Variants in TBK1 observed in about 807,000 individuals in gnomAD.
TBK1 encodes the protein serine/threonine-protein kinase TBK1.
In TBK1, 37 loss-of-function variants were observed where a neutral mutation model predicts 99.9. The ratio of observed to expected loss-of-function variants is 0.37; its 90% CI spans 0.28 to 0.49. TBK1 has a LOEUF of 0.49. TBK1 is among the 20% of genes least tolerant of loss of function. The pLI, the probability that TBK1 is intolerant of heterozygous loss-of-function variation, is 0.98. For missense variants in TBK1, 644 were observed against 872.5 expected (o/e 0.74, Z 3.30); for synonymous variants, 258 against 279.8 (o/e 0.92, Z 0.78).
chr12:64,468,264 G>C (rs1380942012), intron 5 of TBK1, among the ~76,000 whole-genome samples: 1 of 152,134 alleles, frequency 6.6e-6, no homozygotes, highest in African/African-American at 2.4e-5. Context: ...GGAGGCCGAG[G>C]TGGGCAGATC....
chr12:64,460,659 C>T (rs985999815), intron 3 of TBK1, among the ~76,000 whole-genome samples: 3 of 151,756 alleles, frequency 2.0e-5, no homozygotes, highest in Admixed American at 2.0e-4. Context: ...TGTGGTGAAA[C>T]CCCGTCTCTA....
intron 1 of TBK1, among the ~76,000 whole-genome samples, chr12:64,454,135 C>T (rs2040459038): frequency 6.6e-6 from 1 of 152,172 alleles, no homozygotes; most frequent in Non-Finnish European, 1.5e-5. Flanking sequence ...TATTTTAAAA[C>T]ACCTTAAATT....
chr12:64,497,599 G>A, intron 18 of TBK1, 49 bp from the exon 19 acceptor site: 1 of 1,250,334 alleles, frequency 8.0e-7, no homozygotes, highest in Non-Finnish European at 1.1e-6. Context: ...CTTTTGTTCT[G>A]TGATTAATGT....
At chr12:64,497,613 G>GTTTTTTTTT in intron 18 of TBK1, 35 bp from the exon 19 acceptor site, 1 of 1,216,878 alleles carries the variant, frequency 8.2e-7, no homozygotes, top group Non-Finnish European at 1.1e-6. Flanking sequence ...TTAATGTGGG[G>GTTTTTTTTT]TTTTTTTCTT....
intron 5 of TBK1, among the ~76,000 whole-genome samples, chr12:64,471,656 T>A (rs2040663537): frequency 6.6e-6 from 1 of 152,140 alleles, no homozygotes; most frequent in Non-Finnish European, 1.5e-5. Context: ...ACCCTGTCTC[T>A]TCTACTGTTT....
intron 8 of TBK1, among the ~76,000 whole-genome samples, chr12:64,483,606 T>G (rs1565820082): frequency 6.6e-6 from 1 of 152,208 alleles, no homozygotes; most frequent in Non-Finnish European, 1.5e-5. Context: ...GTTAAGTCAC[T>G]TACGGTTTTA....
intron 15 of TBK1, 193 bp downstream of exon 15, chr12:64,495,968 A>G: frequency 3.9e-6 from 2 of 517,518 alleles, no homozygotes; most frequent in South Asian, 2.7e-5. Context: ...AACCTTTTGA[A>G]TACTTTAAAT....
At chr12:64,486,111 T>G (rs960193574) in intron 11 of TBK1, 94 bp downstream of exon 11, 5 of 728,368 alleles carry the variant, frequency 6.9e-6, no homozygotes, top group Admixed American at 3.0e-5. Context: ...GGTTAGGTGC[T>G]TGATTTTTAT....
chr12:64,472,694 G>A (rs1426025246), intron 5 of TBK1, among the ~76,000 whole-genome samples: 1 of 152,012 alleles, frequency 6.6e-6, no homozygotes, highest in African/African-American at 2.4e-5. Flanking sequence ...GGCTTCCCTG[G>A]GCTACACTGG....
At chr12:64,452,639 G>A (rs535514833) in intron 1 of TBK1, 1 of 152,304 alleles carries the variant, frequency 6.6e-6, no homozygotes, top group East Asian at 1.9e-4. Flanking sequence ...GTTTTTAAAT[G>A]TATTGATTTT....
chr12:64,500,150 G>A (rs903224333), intron 20 of TBK1, among the ~76,000 whole-genome samples: 14 of 152,006 alleles, frequency 9.2e-5, no homozygotes, highest in Admixed American at 5.9e-4. Flanking sequence ...TAATCTTAAC[G>A]TAAATGTTAA....
intron 20 of TBK1, among the ~76,000 whole-genome samples, chr12:64,501,086 C>A (rs1759554749): frequency 6.6e-6 from 1 of 152,080 alleles, no homozygotes; most frequent in African/African-American, 2.4e-5. Flanking sequence ...ATAAATCCCA[C>A]CCCACCAGAA....
chr12:64,463,228 C>T (rs1001002096), intron 3 of TBK1, among the ~76,000 whole-genome samples: 7 of 151,690 alleles, frequency 4.6e-5, no homozygotes, highest in Non-Finnish European at 8.8e-5. Context: ...AAAAATTAGC[C>T]GGGTGTGGTG....
chr12:64,473,801 A>T (rs1321566305), intron 5 of TBK1, among the ~76,000 whole-genome samples: 1 of 152,072 alleles, frequency 6.6e-6, no homozygotes, highest in Non-Finnish European at 1.5e-5. Context: ...GCTAGGCATC[A>T]TGGCAAGCAC....
At chr12:64,458,118 C>CAT (rs2040508629) in intron 2 of TBK1, among the ~76,000 whole-genome samples, 1 of 150,688 alleles carries the variant, frequency 6.6e-6, no homozygotes, top group Non-Finnish European at 1.5e-5. Flanking sequence ...CACACACACA[C>CAT]ACATACACAC....
chr12:64,486,078 A>T, intron 11 of TBK1, 61 bp downstream of exon 11: 1 of 1,175,704 alleles, frequency 8.5e-7, no homozygotes, highest in Non-Finnish European at 1.2e-6. Context: ...CATCATTGAT[A>T]TTTTCTCTCT....
intron 3 of TBK1, among the ~76,000 whole-genome samples, chr12:64,460,832 CAAAAAAAA>C (rs1221718352): frequency 8.8e-5 from 4 of 45,460 alleles, no homozygotes; most frequent in African/African-American, 3.4e-4. Flanking sequence ...GACTCCATCT[CAAAAAAAA>C]AAAAAAAAAA....
chr12:64,481,380 G>A (rs2040766338), intron 7 of TBK1, among the ~76,000 whole-genome samples: 1 of 152,116 alleles, frequency 6.6e-6, no homozygotes, highest in Admixed American at 6.5e-5. Flanking sequence ...TTGCTTAGAT[G>A]CCAGAAAGTA....
chr12:64,465,177 T>A (rs2040589086), intron 4 of TBK1, among the ~76,000 whole-genome samples: 1 of 138,902 alleles, frequency 7.2e-6, no homozygotes, highest in African/African-American at 2.7e-5. Flanking sequence ...CCCAGGAGAT[T>A]GAGGCTGCTG....
Sources: allele counts gnomAD v4.1 joint callset (sites outside exome capture counted in the v4.1 genomes callset), GRCh38; gene constraint gnomAD v4.1.1; transcripts MANE v1.5; gene names NCBI Gene and HGNC (gene_info 2026-07-23, HGNC 2026-07-21).